The following CD38 variants were observed in gnomAD, a reference collection of about 807,000 sequenced individuals.
CD38 encodes the protein ADP-ribosyl cyclase/cyclic ADP-ribose hydrolase 1.
A neutral mutation model predicts 36.3 loss-of-function variants in CD38; 31 were observed. The ratio of observed to expected loss-of-function variants is 0.85; its 90% CI spans 0.64 to 1.15. The LOEUF (loss-of-function observed/expected upper bound fraction) is 1.15, where lower values mean the gene tolerates loss of function less well. Among genes scored for constraint, CD38 ranks in the 50% most tolerant of loss-of-function variants. CD38 has a pLI of 0.00. For synonymous variants in CD38, 131 were observed against 135.2 expected, an observed-to-expected ratio of 0.97 and a Z score of 0.22; for missense variants, 380 against 371.9, an observed-to-expected ratio of 1.02 and a Z score of -0.18.
At chr4:15,811,845 G>A (rs763004667) in intron 1 of CD38, among the ~76,000 whole-genome samples, 9 of 152,198 alleles carry the variant, frequency 5.9e-5, no homozygotes, top group Non-Finnish European at 1.0e-4. Context: ...GGTAGGGCAG[G>A]TTTCAACTGG....
At chr4:15,805,670 T>C (rs2148919562) in intron 1 of CD38, among the ~76,000 whole-genome samples, 1 of 152,334 alleles carries the variant, frequency 6.6e-6, no homozygotes, top group South Asian at 2.1e-4. Context: ...TCAATAAATA[T>C]TTGCTAGGTT....
intron 3 of CD38, among the ~76,000 whole-genome samples, chr4:15,833,227 G>A (rs1007789246): frequency 6.6e-6 from 1 of 152,154 alleles, no homozygotes; most frequent in Non-Finnish European, 1.5e-5. Context: ...CTCTGTGGCT[G>A]TACCTGAAGC....
chr4:15,804,530 T>C (rs1450700487), intron 1 of CD38, among the ~76,000 whole-genome samples: 2 of 152,158 alleles, frequency 1.3e-5, no homozygotes, highest in Non-Finnish European at 2.9e-5. Flanking sequence ...CCGAAGTGTC[T>C]ATCAACAGAT....
chr4:15,807,949 A>G (rs1005929556), intron 1 of CD38, among the ~76,000 whole-genome samples: 8 of 152,096 alleles, frequency 5.3e-5, no homozygotes, highest in African/African-American at 1.9e-4. Flanking sequence ...TGTGTGAGGA[A>G]CCCCACGAAA....
intron 7 of CD38, among the ~76,000 whole-genome samples, chr4:15,841,548 G>GATATCTGAC (rs1560321462): frequency 6.6e-6 from 1 of 152,062 alleles, no homozygotes; most frequent in African/African-American, 2.4e-5. Flanking sequence ...CAATCTTGCG[G>GATATCTGAC]CGGAGGAGCC....
intron 1 of CD38, among the ~76,000 whole-genome samples, chr4:15,783,826 T>C (rs1171891608): frequency 6.6e-6 from 1 of 152,228 alleles, no homozygotes; most frequent in Admixed American, 6.5e-5. Context: ...TCTCCATTTT[T>C]ACTTCCCCAT....
chr4:15,812,986 C>T (rs1202552705), intron 1 of CD38, among the ~76,000 whole-genome samples: 1 of 152,050 alleles, frequency 6.6e-6, no homozygotes, highest in Admixed American at 6.5e-5. Flanking sequence ...ACCTTGCTGA[C>T]CATGTTTACT....
intron 1 of CD38, among the ~76,000 whole-genome samples, chr4:15,814,218 A>G (rs1723533729): frequency 1.3e-5 from 2 of 152,266 alleles, no homozygotes; most frequent in South Asian, 4.1e-4. Context: ...GCTTTTTTTC[A>G]TATGTTTGCT....
chr4:15,784,442 T>C (rs900177178), intron 1 of CD38, among the ~76,000 whole-genome samples: 2 of 152,284 alleles, frequency 1.3e-5, no homozygotes, highest in African/African-American at 2.4e-5. Context: ...GGCCAATTGA[T>C]TGACTAAACC....
At chr4:15,826,731 C>A (rs901949929) in intron 3 of CD38, among the ~76,000 whole-genome samples, 16 of 151,218 alleles carry the variant, frequency 1.1e-4, no homozygotes, top group Admixed American at 5.9e-4. Flanking sequence ...CATAGTAAGA[C>A]CCCATCTCTA....
chr4:15,816,054 G>A (rs1410834226), intron 1 of CD38, among the ~76,000 whole-genome samples: 1 of 152,118 alleles, frequency 6.6e-6, no homozygotes, highest in African/African-American at 2.4e-5. Flanking sequence ...CTGATTATGT[G>A]ATGGATTATG....
Position 15,848,631 on chromosome 4 carries a change from T to A in CD38, c.*29T>A. On this transcript the variant is annotated 3_prime_UTR_variant, in exon 8 of 8. Coordinates refer to ENST00000226279, the MANE Select transcript of CD38 (RefSeq NM_001775.4). ...AGTCGCTGTGGTTGTTTTAGCTCCT[T>A]GACTCCTTGTGGTTTATGTCATCAT... The A allele has an allele frequency of 1.3e-6, 2 of 1,584,422 alleles. No individual in the cohort carries two copies. Among genetic ancestry groups the A allele is most frequent in the Non-Finnish European group, 1.7e-6 (2 of 1,153,290 alleles).
Position 15,848,561 on chromosome 4 carries a change from G to T in CD38, c.862G>T (p.Val288Leu). ...TAGACCTGACAAGTTTCTTCAGTGT[G>T]TGAAAAATCCTGAGGATTCATCTTG... Reference protein sequence around the residue: ...IYRPDKFLQCVKNPEDSSCTS... With the variant: ...IYRPDKFLQCLKNPEDSSCTS... Residue 288 changes from valine to leucine, a missense_variant, in exon 8 of 8, where the codon GTG (valine) becomes TTG (leucine). Coordinates refer to ENST00000226279, the MANE Select transcript of CD38 (RefSeq NM_001775.4). 6.2e-7 allele frequency: 1 copy of T among 1,613,856 alleles called. No homozygotes were observed. The highest frequency in any genetic ancestry group is 8.5e-7 in the Non-Finnish European group (1 of 1,179,790).
At position 15,797,659 on chromosome 4, in the gene CD38, G is replaced by A. The variant is rs1045848964; in HGVS notation, c.234-18852G>A. ...AAGTCTAAAATCAAGGTGTCAGAAGGGTCGGTGCCTTCTGAAGGTGTGAGA... is the reference window on the plus strand; with the variant it reads ...AAGTCTAAAATCAAGGTGTCAGAAGAGTCGGTGCCTTCTGAAGGTGTGAGA... On this transcript the variant is annotated intron_variant, in intron 1 of 7. Coordinates refer to ENST00000226279, the MANE Select transcript of CD38 (RefSeq NM_001775.4). Among the ~76,000 whole-genome samples, 131 of 152,136 alleles carry A rather than the reference G, an allele frequency of 8.6e-4. 2 individuals are homozygous for A. Among genetic ancestry groups the A allele is most frequent in the Non-Finnish European group, 3.2e-4 (22 of 68,034 alleles).
intron 1 of CD38, among the ~76,000 whole-genome samples, chr4:15,780,639 G>A (rs1158908652): frequency 1.3e-5 from 2 of 151,422 alleles, no homozygotes; most frequent in Non-Finnish European, 2.9e-5. Context: ...CTCTGGACTC[G>A]ATCATTGCCT....
chr4:15,839,962 G>C (rs763933253), intron 5 of CD38, 64 bp from the exon 6 acceptor site: 26 of 1,070,782 alleles, frequency 2.4e-5, no homozygotes, highest in Non-Finnish European at 3.8e-5. Flanking sequence ...GCTGGTTGTT[G>C]AGGGGGGTGT....
At chr4:15,805,086 A>G (rs906628804) in intron 1 of CD38, among the ~76,000 whole-genome samples, 2 of 152,076 alleles carry the variant, frequency 1.3e-5, no homozygotes, top group Admixed American at 1.3e-4. Context: ...AGTTTTTTTG[A>G]TCTTATTATT....
intron 2 of CD38, among the ~76,000 whole-genome samples, chr4:15,822,039 T>C (rs143002599): frequency 2.0e-5 from 3 of 152,288 alleles, no homozygotes; most frequent in African/African-American, 7.2e-5. Context: ...AGGTTCAACG[T>C]ACATGAATCA....
At position 15,834,290 on chromosome 4, in the gene CD38, G is replaced by A. The variant is rs1329427076; in HGVS notation, c.573G>A (p.Thr191=). ...SNNPVSVFWK[T]VSRRFAEAAC... ...ACCCTGTTTCAGTATTCTGGAAAAC[G>A]GTTTCCCGCAGGGTAAGTACCAAGT... is the stretch of plus-strand genomic sequence containing the variant. The change falls in exon 4 of 8, where the codon ACG becomes ACA. Residue 191 remains threonine, a synonymous_variant. Transcript: ENST00000226279. 1.6e-5 allele frequency: 26 copies of A among 1,609,984 alleles called. No homozygotes were observed. Among genetic ancestry groups the A allele is most frequent in the Admixed American group, 1.0e-4 (6 of 59,988 alleles).
Sources: allele counts gnomAD v4.1 joint callset (sites outside exome capture counted in the v4.1 genomes callset), GRCh38; gene constraint gnomAD v4.1.1; transcripts MANE v1.5; gene names NCBI Gene and HGNC (gene_info 2026-07-23, HGNC 2026-07-21).